The following NLGN4X variants were observed in gnomAD, a reference collection of about 807,000 sequenced individuals.
NLGN4X encodes the protein neuroligin 4 X-linked, also known as neuroligin-4, X-linked.
NLGN4X carries 3 observed loss-of-function variants against 40.3 expected under a neutral mutation model. That is an observed-to-expected ratio of 0.07 (90% confidence interval 0.03 to 0.19). The LOEUF (loss-of-function observed/expected upper bound fraction) is 0.19, where lower values mean the gene tolerates loss of function less well. Among genes scored for constraint, NLGN4X ranks in the 10% least tolerant of loss-of-function variants. The pLI is 1.00. For synonymous variants in NLGN4X, 270 were observed against 306.8 expected (o/e 0.88, Z 1.25); for missense variants, 382 against 708.3 (o/e 0.54, Z 5.23).
At chrX:5,902,960 A>G (rs1220141058) in intron 5 of NLGN4X, 117 bp downstream of exon 5, 10 of 804,886 alleles carry the variant, frequency 1.2e-5, no homozygotes, top group African/African-American at 2.0e-5. Context: ...GTGTGCATGC[A>G]TGTGTATGTG....
chrX:5,957,846 A>G (rs1432795932), intron 3 of NLGN4X, among the ~76,000 whole-genome samples: 1 of 112,435 alleles, frequency 8.9e-6, no homozygotes, highest in African/African-American at 3.2e-5. Context: ...TTTACCCAGT[A>G]TAAAATAAAC....
chrX:6,073,287 CA>C (rs2038113114), intron 2 of NLGN4X, among the ~76,000 whole-genome samples: 1 of 112,204 alleles, frequency 8.9e-6, no homozygotes, highest in African/African-American at 3.2e-5. Flanking sequence ...TTTTCTACAG[CA>C]GCACATACGG....
intron 3 of NLGN4X, among the ~76,000 whole-genome samples, chrX:5,974,829 T>A (rs375074484): frequency 8.9e-6 from 1 of 112,177 alleles, no homozygotes; most frequent in East Asian, 2.8e-4. Flanking sequence ...TTAACAATAA[T>A]AGCTAATAAT....
chrX:5,995,018 A>G (rs1478490337), intron 3 of NLGN4X, among the ~76,000 whole-genome samples: 1 of 112,470 alleles, frequency 8.9e-6, no homozygotes, highest in East Asian at 2.8e-4. Context: ...GTTTGAGAAT[A>G]CTTTTGGCAA....
intron 1 of NLGN4X, among the ~76,000 whole-genome samples, chrX:6,184,349 T>C (rs765568479): frequency 8.9e-6 from 1 of 111,936 alleles, no homozygotes; most frequent in East Asian, 2.8e-4. Context: ...ATTTGAACAA[T>C]CCAATCAATT....
chrX:6,194,218 T>A (rs1037442635), intron 1 of NLGN4X, among the ~76,000 whole-genome samples: 17 of 111,863 alleles, frequency 1.5e-4, no homozygotes, highest in African/African-American at 5.5e-4. Context: ...GCAAGCGTAA[T>A]TGCAGTTTTT....
At chrX:6,211,105 T>C (rs1373052307) in intron 1 of NLGN4X, among the ~76,000 whole-genome samples, 2 of 112,491 alleles carry the variant, frequency 1.8e-5, no homozygotes, top group Non-Finnish European at 3.8e-5. Flanking sequence ...GATCCTTTAT[T>C]CTATCTTCTC....
At chrX:6,000,760 T>C (rs1217514196) in intron 3 of NLGN4X, among the ~76,000 whole-genome samples, 1 of 111,400 alleles carries the variant, frequency 9.0e-6, no homozygotes, top group Non-Finnish European at 1.9e-5. Context: ...TCTAGAAAGT[T>C]CCAAACTTTC....
intron 2 of NLGN4X, among the ~76,000 whole-genome samples, chrX:6,132,588 C>G (rs1251559178): frequency 9.0e-6 from 1 of 111,445 alleles, no homozygotes; most frequent in African/African-American, 3.3e-5. Context: ...GCCAAAATTG[C>G]TCTTAGTTAA....
chrX:6,134,729 C>G (rs1024824839), intron 2 of NLGN4X, among the ~76,000 whole-genome samples: 1 of 112,281 alleles, frequency 8.9e-6, no homozygotes, highest in Non-Finnish European at 1.9e-5. Flanking sequence ...GTGGTGCCTA[C>G]GTGGACTTAC....
chrX:5,915,688 C>T (rs1006328647), intron 3 of NLGN4X, among the ~76,000 whole-genome samples: 7 of 111,550 alleles, frequency 6.3e-5, no homozygotes, highest in Non-Finnish European at 1.3e-4. Flanking sequence ...TACAGGCACA[C>T]GCCACCACAC....
At chrX:6,150,757 A>C (rs765655522) in intron 2 of NLGN4X, among the ~76,000 whole-genome samples, 2 of 112,667 alleles carry the variant, frequency 1.8e-5, no homozygotes. Context: ...AAGGCAATAT[A>C]TGAAAATAAT....
intron 1 of NLGN4X, among the ~76,000 whole-genome samples, chrX:6,222,859 C>T (rs1194919654): frequency 8.9e-6 from 1 of 111,999 alleles, no homozygotes; most frequent in Non-Finnish European, 1.9e-5. Flanking sequence ...CCCCTTCACT[C>T]GGTTCTCATT....
chrX:5,915,414 TAATA>T (rs1194388092), intron 3 of NLGN4X, among the ~76,000 whole-genome samples: 13 of 112,414 alleles, frequency 1.2e-4, no homozygotes, highest in African/African-American at 4.2e-4. Context: ...AAATATAAAA[TAATA>T]AATACAGCTT....
chrX:6,151,754 T>A lies in NLGN4X; in HGVS notation c.-288A>T. ...CAACACCTCCAGGGACAATTTCTTATGAAAACTCCAAGGCAGCCTAAAAGA... is the reference window on the plus strand; with the variant it reads ...CAACACCTCCAGGGACAATTTCTTAAGAAAACTCCAAGGCAGCCTAAAAGA... On this transcript the variant is annotated 5_prime_UTR_variant, in exon 2 of 6. Transcript: ENST00000381095. The A allele has an allele frequency of 2.7e-6, 1 of 368,766 alleles. No homozygotes were observed. Among genetic ancestry groups the A allele is most frequent in the Non-Finnish European group, 4.8e-6 (1 of 209,150 alleles). 30.4% of individuals were successfully genotyped at this position (368,766 alleles called of 1,213,427 possible).
At chrX:6,131,000 T>G (rs1968745644) in intron 2 of NLGN4X, among the ~76,000 whole-genome samples, 1 of 111,955 alleles carries the variant, frequency 8.9e-6, no homozygotes, top group Admixed American at 9.5e-5. Flanking sequence ...AAAATTCTGC[T>G]TTCTATTCCA....
At chrX:6,086,065 T>C (rs1164818894) in intron 2 of NLGN4X, among the ~76,000 whole-genome samples, 2 of 112,093 alleles carry the variant, frequency 1.8e-5, no homozygotes, top group African/African-American at 6.5e-5. Context: ...ACTGTTATTA[T>C]AAGTGTTGCT....
chrX:6,185,093 C>T (rs765389377), intron 1 of NLGN4X, among the ~76,000 whole-genome samples: 28 of 112,477 alleles, frequency 2.5e-4, no homozygotes, highest in Non-Finnish European at 4.9e-4. Context: ...GCATCTTCTA[C>T]GTGGCCTGCA....
chrX:6,156,894 T>C (rs1471626692), intron 1 of NLGN4X, among the ~76,000 whole-genome samples: 3 of 109,590 alleles, frequency 2.7e-5, no homozygotes, highest in African/African-American at 1.0e-4. Context: ...CAAATAAAGA[T>C]TGAATATGTT....
Sources: gnomAD v4.1 joint callset for allele counts (sites outside exome capture counted in the v4.1 genomes callset) on GRCh38, gnomAD v4.1.1 for gene constraint, MANE v1.5 for transcripts, NCBI Gene and HGNC (gene_info 2026-07-23, HGNC 2026-07-21) for gene names.